The following CSF1 variants were observed in gnomAD, a reference collection of about 807,000 sequenced individuals.
The protein encoded by CSF1 is colony stimulating factor 1, also known as macrophage colony-stimulating factor 1.
Under a neutral mutation model 48.9 loss-of-function variants are expected in CSF1, and 9 were observed. The observed-to-expected ratio is 0.18, with a 90% CI of 0.11 to 0.32. The LOEUF is 0.32. Among genes scored for constraint, CSF1 ranks in the 10% least tolerant of loss-of-function variants. The probability of loss-of-function intolerance (pLI) is 1.00; values close to 1 mark genes in which losing one functional copy is unlikely to be tolerated. For synonymous variants in CSF1, 305 were observed against 284.1 expected (o/e 1.07, Z -0.74); for missense variants, 672 against 697.9 (o/e 0.96, Z 0.42).
intron 6 of CSF1, 45 bp from the exon 7 acceptor site, chr1:109,924,731 C>A (rs535745356): frequency 5.6e-5 from 86 of 1,543,634 alleles, no homozygotes; most frequent in Admixed American, 2.5e-4. Context: ...ACCGCCCCCC[C>A]ACACTCCCCC....
At chr1:109,927,552 G>A (rs1304234965) in intron 8 of CSF1, among the ~76,000 whole-genome samples, 4 of 146,136 alleles carry the variant, frequency 2.7e-5, no homozygotes, top group South Asian at 2.3e-4. Flanking sequence ...CCCTCTACAC[G>A]CCCACCCTCC....
intron 3 of CSF1, among the ~76,000 whole-genome samples, chr1:109,916,988 G>A (rs1224310849): frequency 6.6e-6 from 1 of 152,164 alleles, no homozygotes; most frequent in Non-Finnish European, 1.5e-5. Flanking sequence ...GGCAGGGGAA[G>A]GTTCCCTGGA....
In CSF1 at chr1:109,923,822, G is replaced by C; in HGVS notation, c.1201G>C (p.Gly401Arg). 3 of 1,612,802 alleles carry C rather than the reference G, an allele frequency of 1.9e-6. No individual in the cohort carries two copies. The highest frequency in any genetic ancestry group is 2.5e-6 in the Non-Finnish European group (3 of 1,179,386). Residue 401 changes from glycine (G) to arginine (R), a missense_variant, in exon 6 of 9, where the codon GGC becomes CGC. By Grantham distance (125) the Gly-to-Arg change is moderately radical (BLOSUM62 -2). Around this residue, in one of 3 missense-constraint regions of CSF1, gnomAD observed 591 missense variants for 593.6 expected, o/e 1.00. Coordinates refer to ENST00000329608, the MANE Select transcript of CSF1 (RefSeq NM_000757.6). ...CCTGCTCAGAGACCCCCCGGAGCCA[G>C]GCTCTCCCAGGATCTCATCACTGCG... Reference protein sequence around the residue: ...SALLRDPPEPGSPRISSLRPQ... With the variant: ...SALLRDPPEPRSPRISSLRPQ...
At chr1:109,919,952 AAATAAAT>A (rs1323783150) in intron 4 of CSF1, among the ~76,000 whole-genome samples, 4 of 148,994 alleles carry the variant, frequency 2.7e-5, no homozygotes, top group African/African-American at 9.8e-5. Context: ...ATAAATAAAT[AAATAAAT>A]AAATAAATAA....
rs1466357688 is a variant in CSF1, at chr1:109,923,878, C to G, written c.1257C>G (p.Leu419=). ...RPQGLSNPST[L]SAQPQLSRSH... The stretch of plus-strand genomic sequence containing the variant: ...AGGGCCTCAGCAACCCCTCCACCCT[C>G]TCTGCTCAGCCACAGCTTTCCAGAA... Residue 419 remains leucine, a synonymous_variant, in exon 6 of 9, where the codon CTC becomes CTG. Transcript: ENST00000329608. The G allele has an allele frequency of 4.3e-6, 7 of 1,613,936 alleles. No individual in the cohort carries two copies. Among genetic ancestry groups the G allele is most frequent in the Non-Finnish European group, 5.9e-6 (7 of 1,179,892 alleles).
In CSF1 at chr1:109,914,399, C is replaced by A; in HGVS notation, c.162+18C>A. 6.3e-7 allele frequency: 1 copy of A among 1,574,886 alleles called. No homozygotes were observed. The highest frequency in any genetic ancestry group is 8.6e-7 in the Non-Finnish European group (1 of 1,159,918). ...AGCGGCTGGTGAGTGTGTGGCCATG[C>A]TGTATTCTACCTTCTCCCCACTGGG... On this transcript the variant is annotated intron_variant, in intron 2 of 8. Transcript: ENST00000329608.
chr1:109,924,521 G>A (rs551811454), intron 6 of CSF1, among the ~76,000 whole-genome samples: 1 of 152,078 alleles, frequency 6.6e-6, no homozygotes, highest in East Asian at 1.9e-4. Context: ...GGCGTACACT[G>A]GAAGCTCTGC....
chr1:109,923,823 G>A lies in CSF1; in HGVS notation c.1202G>A (p.Gly401Asp), dbSNP rs748685320. The change falls in exon 6 of 9, where the codon GGC becomes GAC. Residue 401 changes from glycine (G) to aspartate (D), a missense_variant. By Grantham distance (94) the Gly-to-Asp change is moderately conservative. Transcript: ENST00000329608. ...SALLRDPPEP[G>D]SPRISSLRPQ... ...CTGCTCAGAGACCCCCCGGAGCCAG[G>A]CTCTCCCAGGATCTCATCACTGCGC... The A allele has an allele frequency of 1.2e-6, 2 of 1,612,700 alleles. No individual in the cohort carries two copies. Among genetic ancestry groups the A allele is most frequent in the African/African-American group, 2.7e-5 (2 of 74,866 alleles).
chr1:109,915,590 A>G (rs375319609), intron 2 of CSF1, 44 bp from the exon 3 acceptor site: 22 of 1,537,882 alleles, frequency 1.4e-5, no homozygotes, highest in Non-Finnish European at 2.0e-5. Flanking sequence ...GGCTGAGTTG[A>G]GCTGTAGGTT....
At chr1:109,919,963 T>C (rs1036757852) in intron 4 of CSF1, among the ~76,000 whole-genome samples, 1 of 139,194 alleles carries the variant, frequency 7.2e-6, no homozygotes, top group African/African-American at 2.9e-5. Flanking sequence ...AATAAATAAA[T>C]AAATAAATAA....
chr1:109,929,937 T>C lies in CSF1; in HGVS notation c.*1099T>C, dbSNP rs1647999544. On this transcript the variant is annotated 3_prime_UTR_variant, in exon 9 of 9. Coordinates refer to ENST00000329608, the MANE Select transcript of CSF1 (RefSeq NM_000757.6). ...ACATTCCCAAGAGGGAAGGGACTAG[T>C]GGGAGAGAGCAAGGGAGGGGAGGGC... 6.6e-6 allele frequency: 1 copy of C among 152,506 alleles called. No homozygotes were observed. Among genetic ancestry groups the C allele is most frequent in the South Asian group, 2.1e-4 (1 of 4,830 alleles). 9.4% of individuals were successfully genotyped at this position (152,506 alleles called of 1,614,324 possible).
In CSF1 at chr1:109,924,076, C is replaced by T. The variant is rs778618530; in HGVS notation, c.1455C>T (p.Ser485=). 21 of 1,614,072 alleles carry T rather than the reference C, an allele frequency of 1.3e-5. No individual in the cohort carries two copies. The highest frequency in any genetic ancestry group is 1.1e-4 in the African/African-American group (8 of 74,952). ...PLTDTGHERQ[S]EGSFSPQLQE... ...CTGACACAGGCCATGAGAGGCAGTCCGAGGGATCCTTCAGCCCGCAGCTCC... is the reference window on the plus strand; with the variant it reads ...CTGACACAGGCCATGAGAGGCAGTCTGAGGGATCCTTCAGCCCGCAGCTCC... The change falls in exon 6 of 9, where the codon TCC becomes TCT. Residue 485 remains serine (S), a synonymous_variant. Transcript: ENST00000329608.
intron 4 of CSF1, among the ~76,000 whole-genome samples, chr1:109,919,620 A>G (rs1647424243): frequency 6.6e-6 from 1 of 152,174 alleles, no homozygotes; most frequent in Non-Finnish European, 1.5e-5. Context: ...TTGAAAATGC[A>G]TATTCCTAGG....
intron 3 of CSF1, among the ~76,000 whole-genome samples, chr1:109,915,984 G>A (rs956286161): frequency 2.1e-4 from 32 of 152,140 alleles, no homozygotes; most frequent in African/African-American, 7.2e-4. Flanking sequence ...ATTATCCACA[G>A]AGAGGTGAAA....
chr1:109,923,703 A>C lies in CSF1; in HGVS notation c.1082A>C (p.Asp361Ala), dbSNP rs1647687421. Residue 361 changes from aspartate to alanine, a missense_variant, in exon 6 of 9, where the codon GAT (aspartate) becomes GCT (alanine). Transcript: ENST00000329608. ...PASAKGQQPA[D>A]VTGTALPRVG... Reference sequence around the variant, plus strand: ...TCAGCAAAGGGCCAACAGCCGGCAGATGTAACTGGTACCGCCTTGCCCAGG... The same window carrying C: ...TCAGCAAAGGGCCAACAGCCGGCAGCTGTAACTGGTACCGCCTTGCCCAGG... 6 of 1,613,404 alleles carry C rather than the reference A, an allele frequency of 3.7e-6. No homozygotes were observed. The highest frequency in any genetic ancestry group is 5.1e-6 in the Non-Finnish European group (6 of 1,179,690).
Position 109,924,094 on chromosome 1 carries a change from G to A in CSF1, c.1473G>A (p.Pro491=), listed in dbSNP as rs367579394. The change falls in exon 6 of 9, where the codon CCG becomes CCA. Residue 491 remains proline, a synonymous_variant. Transcript: ENST00000329608. ...GGCAGTCCGAGGGATCCTTCAGCCCGCAGCTCCAGGAGTCTGTCTTCCACC... is the reference window on the plus strand; with the variant it reads ...GGCAGTCCGAGGGATCCTTCAGCCCACAGCTCCAGGAGTCTGTCTTCCACC... ...HERQSEGSFS[P]QLQESVFHLL... is the part of the protein sequence containing the mutation. The A allele has an allele frequency of 1.8e-5, 29 of 1,614,090 alleles. No homozygotes were observed. The East Asian group carries it at 2.2e-4, about 12-fold the overall frequency.
intron 7 of CSF1, 97 bp from the exon 8 acceptor site, chr1:109,925,050 C>T (rs1647777030): frequency 8.4e-7 from 1 of 1,190,770 alleles, no homozygotes; most frequent in Admixed American, 1.7e-5. Flanking sequence ...TCTGAGAGGG[C>T]CTAGAGCATG....
intron 4 of CSF1, 87 bp from the exon 5 acceptor site, chr1:109,921,760 G>A: frequency 2.1e-6 from 3 of 1,433,706 alleles, no homozygotes; most frequent in Non-Finnish European, 1.8e-6. Flanking sequence ...AGACAGATGT[G>A]AGAAAGGCCA....
chr1:109,911,135 G>T, intron 1 of CSF1, 73 bp downstream of exon 1: 1 of 924,280 alleles, frequency 1.1e-6, no homozygotes, highest in Non-Finnish European at 1.3e-6. Context: ...GCCGGGAGCG[G>T]CCCCTCGGAG....
Sources: allele counts gnomAD v4.1 joint callset (sites outside exome capture counted in the v4.1 genomes callset), GRCh38; gene constraint gnomAD v4.1.1; regional missense constraint gnomAD v4.1.1; transcripts MANE v1.5; gene names NCBI Gene and HGNC (gene_info 2026-07-23, HGNC 2026-07-21).